The following ATP10B variants were observed in gnomAD, a reference collection of about 807,000 sequenced individuals.
ATP10B encodes the protein phospholipid-transporting ATPase VB.
A neutral mutation model predicts 141.2 loss-of-function variants in ATP10B; 122 were observed. That is an observed-to-expected ratio of 0.86 (90% CI 0.75 to 1.00). The LOEUF is 1.00. ATP10B is among the 50% of genes least tolerant of loss of function. The pLI is 0.00. For synonymous variants in ATP10B, 685 were observed against 692.0 expected (o/e 0.99, Z 0.16); for missense variants, 1,876 against 1,825.3 (o/e 1.03, Z -0.51).
intron 2 of ATP10B, among the ~76,000 whole-genome samples, chr5:160,723,631 C>T (rs552530298): frequency 3.9e-5 from 6 of 152,222 alleles, no homozygotes; most frequent in African/African-American, 1.4e-4. Flanking sequence ...TTCTCTCTCT[C>T]CCCTTCATTC....
chr5:160,680,925 T>G (rs189833928), intron 6 of ATP10B, among the ~76,000 whole-genome samples: 111 of 152,302 alleles, frequency 7.3e-4, no homozygotes, highest in Middle Eastern at 3.4e-3. Flanking sequence ...TCATACATGA[T>G]CACATGTAGA....
intron 1 of ATP10B, among the ~76,000 whole-genome samples, chr5:160,844,847 T>C (rs886308812): frequency 6.6e-6 from 1 of 152,110 alleles, no homozygotes; most frequent in African/African-American, 2.4e-5. Context: ...CCCTGACCAA[T>C]ACTTATGTTA....
chr5:160,924,158 A>T, the ATP10B span, among the ~76,000 whole-genome samples: 1 of 152,240 alleles, frequency 6.6e-6, no homozygotes, highest in African/African-American at 2.4e-5. Flanking sequence ...TTGCCAGCAG[A>T]ACAGGTTTTT....
upstream of ATP10B, among the ~76,000 whole-genome samples, chr5:160,857,155 T>C (rs957339811): frequency 2.6e-5 from 4 of 151,836 alleles, no homozygotes; most frequent in African/African-American, 9.7e-5. Context: ...TTAAACAAAT[T>C]GTAGGATTCC....
chr5:160,670,713 C>A, intron 6 of ATP10B, 46 bp from the exon 7 acceptor site: 2 of 1,551,552 alleles, frequency 1.3e-6, no homozygotes, highest in South Asian at 1.2e-5. Flanking sequence ...TAAGTTTCCT[C>A]AGAACACTAA....
At chr5:160,817,130 A>G (rs1773696763) in intron 1 of ATP10B, among the ~76,000 whole-genome samples, 1 of 152,228 alleles carries the variant, frequency 6.6e-6, no homozygotes, top group Non-Finnish European at 1.5e-5. Flanking sequence ...CCTATTCAAC[A>G]TAATGTTGGA....
In ATP10B at chr5:160,620,416, C is replaced by G. The variant is rs757553514; in HGVS notation, c.2347G>C (p.Gly783Arg). The change falls in exon 15 of 26, where the codon GGC (glycine) becomes CGC (arginine). Residue 783 changes from glycine (G) to arginine (R), a missense_variant. Transcript: ENST00000327245. Reference sequence around the variant, plus strand: ...CCCTTGGTGTAGACAACAATCTCGCCAGTCAGTGGGTGCCTCACAACCACA... The same window carrying G: ...CCCTTGGTGTAGACAACAATCTCGCGAGTCAGTGGGTGCCTCACAACCACA... ...MSVVVRHPLT[G>R]EIVVYTKGAD... 18 of 1,614,202 alleles carry G rather than the reference C, an allele frequency of 1.1e-5. No individual in the cohort carries two copies. Among genetic ancestry groups the G allele is most frequent in the Non-Finnish European group, 1.5e-5 (18 of 1,180,024 alleles).
chr5:160,667,506 G>T (rs998926633), intron 7 of ATP10B, among the ~76,000 whole-genome samples: 2 of 152,178 alleles, frequency 1.3e-5, no homozygotes, highest in East Asian at 3.8e-4. Flanking sequence ...AAGTGAGGGG[G>T]AGAATCAAGA....
In ATP10B at chr5:160,563,316, A is replaced by T. The variant is rs967211581; in HGVS notation, c.*2137T>A. 7 of 152,202 alleles carry T rather than the reference A, an allele frequency of 4.6e-5. No individual in the cohort carries two copies. The highest frequency in any genetic ancestry group is 8.8e-5 in the Non-Finnish European group (6 of 68,038). The allele number at this position is 152,202 out of a possible 1,614,324, so 9.4% of individuals were successfully genotyped here. On this transcript the variant is annotated 3_prime_UTR_variant, in exon 26 of 26. Transcript: ENST00000327245. ...TTGGCTTGATTTACAGAGGGGCAAG[A>T]GTAGGTGACCAGTTGTACCAGTTGC...
chr5:160,800,113 T>C (rs1022468484), intron 1 of ATP10B, among the ~76,000 whole-genome samples: 1 of 152,180 alleles, frequency 6.6e-6, no homozygotes, highest in African/African-American at 2.4e-5. Flanking sequence ...CTGTCATTTA[T>C]TGAGTGTCAT....
At chr5:160,856,629 T>C (rs1754006014), upstream of ATP10B, among the ~76,000 whole-genome samples, 1 of 151,820 alleles carries the variant, frequency 6.6e-6, no homozygotes, top group South Asian at 2.1e-4. Context: ...AGTATAATGT[T>C]AGCTGTATAT....
intron 9 of ATP10B, among the ~76,000 whole-genome samples, chr5:160,643,603 G>A (rs1486471823): frequency 6.6e-6 from 1 of 152,144 alleles, no homozygotes; most frequent in African/African-American, 2.4e-5. Context: ...CTCCATATAT[G>A]GAGCCATAAA....
chr5:160,621,713 A>T (rs1261892846), intron 14 of ATP10B, among the ~76,000 whole-genome samples: 2 of 152,202 alleles, frequency 1.3e-5, no homozygotes, highest in East Asian at 3.8e-4. Context: ...CCACCTAATT[A>T]TTCTCTCAGT....
intron 3 of ATP10B, among the ~76,000 whole-genome samples, chr5:160,704,158 C>T (rs909365719): frequency 2.0e-5 from 3 of 152,106 alleles, no homozygotes; most frequent in Non-Finnish European, 4.4e-5. Flanking sequence ...CCTGGGCGAT[C>T]CTCTCGCCTC....
At chr5:160,786,721 A>G (rs1771177143) in intron 1 of ATP10B, among the ~76,000 whole-genome samples, 1 of 152,126 alleles carries the variant, frequency 6.6e-6, no homozygotes, top group Non-Finnish European at 1.5e-5. Flanking sequence ...GATAATCTAT[A>G]TTATTTTAGC....
chr5:160,644,184 G>T lies in ATP10B; in HGVS notation c.822C>A (p.Cys274Ter), dbSNP rs770203828. ...CAGCCATCTCGGTGTTTCTGATGGT[G>T]CAGCCTCGAAGCAGAAGACTCTCAC... ...FGCESLLLRG[C>*]TIRNTEMAVG... The change falls in exon 9 of 26, where the codon TGC (cysteine) becomes TGA (stop). Residue 274 changes from cysteine to a stop codon, truncating the protein, a stop_gained. Coordinates refer to ENST00000327245, the MANE Select transcript of ATP10B (RefSeq NM_025153.3). LOFTEE classifies it high-confidence loss of function. The T allele has an allele frequency of 6.2e-7, 1 of 1,613,890 alleles. No individual in the cohort carries two copies. The highest frequency in any genetic ancestry group is 8.5e-7 in the Non-Finnish European group (1 of 1,179,906).
the ATP10B span, among the ~76,000 whole-genome samples, chr5:160,871,702 T>G: frequency 3.9e-5 from 6 of 152,210 alleles, no homozygotes; most frequent in Admixed American, 6.5e-5. Context: ...CGTTAATTCA[T>G]TCCTTTTTAT....
At chr5:160,658,612 T>C (rs1235553919) in intron 7 of ATP10B, among the ~76,000 whole-genome samples, 2 of 152,206 alleles carry the variant, frequency 1.3e-5, no homozygotes, top group African/African-American at 4.8e-5. Context: ...AATGGGTACA[T>C]TGTACCAGCC....
chr5:160,566,665 G>A (rs59036480), intron 25 of ATP10B, among the ~76,000 whole-genome samples: 2,070 of 152,200 alleles, frequency 0.014, 43 homozygotes, highest in African/African-American at 0.048. Context: ...TCTTCTCTCT[G>A]TTCAAAGTGT....
Sources: gnomAD v4.1 joint callset for allele counts (sites outside exome capture counted in the v4.1 genomes callset) on GRCh38, gnomAD v4.1.1 for gene constraint, MANE v1.5 for transcripts, NCBI Gene and HGNC (gene_info 2026-07-23, HGNC 2026-07-21) for gene names.